ZNF367: variants seen among roughly 807,000 people sequenced by gnomAD.
ZNF367 encodes C2H2 zinc finger protein ZFF29.
ZNF367 carries 11 observed loss-of-function variants against 31.8 expected under a neutral mutation model. The ratio of observed to expected loss-of-function variants is 0.35; its 90% CI spans 0.22 to 0.57. ZNF367 has a LOEUF of 0.57. ZNF367 is among the 20% of genes least tolerant of loss of function. The pLI is 0.85. For missense variants in ZNF367, 353 were observed against 484.1 expected (o/e 0.73, Z 2.54); for synonymous variants, 199 against 202.4 (o/e 0.98, Z 0.14).
At chr9:96,409,837 T>C (rs1345469725) in intron 1 of ZNF367, among the ~76,000 whole-genome samples, 1 of 152,204 alleles carries the variant, frequency 6.6e-6, no homozygotes, top group Admixed American at 6.5e-5. Flanking sequence ...CCACAATAAT[T>C]TCATGGATTA....
At position 96,392,678 on chromosome 9, in the gene ZNF367, C is replaced by A. The variant is rs183191834; in HGVS notation, c.692-142G>T. On this transcript the variant is annotated intron_variant, in intron 3 of 4. Coordinates refer to ENST00000375256, the MANE Select transcript of ZNF367 (RefSeq NM_153695.4). The stretch of plus-strand genomic sequence containing the variant: ...TCTATAATTTGGAGGAGAAAACAAT[C>A]AAACCAGCACAGTCTCATCAGTGCT... 520 of 1,265,188 alleles carry A rather than the reference C, an allele frequency of 4.1e-4. 1 individual carries two copies. The African/African-American group carries it at 7.0e-3, about 17-fold the overall frequency. 78.4% of individuals were successfully genotyped at this position (1,265,188 alleles called of 1,614,324 possible).
chr9:96,411,270 G>A (rs13283860), intron 1 of ZNF367, among the ~76,000 whole-genome samples: 3,850 of 152,230 alleles, frequency 0.025, 72 homozygotes, highest in Middle Eastern at 0.054. Flanking sequence ...AAGAAAGGCT[G>A]GGCGCCGTGG....
intron 2 of ZNF367, among the ~76,000 whole-genome samples, chr9:96,397,314 A>C (rs1286472276): frequency 1.3e-5 from 2 of 150,126 alleles, no homozygotes; most frequent in African/African-American, 5.0e-5. Flanking sequence ...GGCCCTCTAT[A>C]CTTTTTTTTT....
intron 2 of ZNF367, among the ~76,000 whole-genome samples, chr9:96,395,442 A>G (rs1170528823): frequency 1.3e-5 from 2 of 152,152 alleles, no homozygotes; most frequent in Admixed American, 6.5e-5. Flanking sequence ...ACCTTGGACA[A>G]CTAAAAATTA....
intron 1 of ZNF367, among the ~76,000 whole-genome samples, 161 bp from the exon 2 acceptor site, chr9:96,398,475 G>A (rs762992128): frequency 3.9e-5 from 6 of 152,142 alleles, no homozygotes; most frequent in Non-Finnish European, 8.8e-5. Context: ...AGGATCACTT[G>A]AGGCCAGGAG....
At chr9:96,399,885 A>G (rs1831580310) in intron 1 of ZNF367, among the ~76,000 whole-genome samples, 1 of 152,194 alleles carries the variant, frequency 6.6e-6, no homozygotes, top group Admixed American at 6.6e-5. Context: ...TTTAGAGAAC[A>G]AACACAACAA....
At chr9:96,395,522 G>A (rs1006214545) in intron 2 of ZNF367, among the ~76,000 whole-genome samples, 1 of 152,170 alleles carries the variant, frequency 6.6e-6, no homozygotes, top group Admixed American at 6.5e-5. Flanking sequence ...AGCTACTGGG[G>A]TTAAGGGGCA....
chr9:96,389,846 C>T (rs1360058965), intron 4 of ZNF367, among the ~76,000 whole-genome samples: 1 of 151,484 alleles, frequency 6.6e-6, no homozygotes, highest in Non-Finnish European at 1.5e-5. Flanking sequence ...TCTCGTGCCT[C>T]AGCCTCCTGA....
rs1831848279 is a variant in ZNF367 at position 96,417,514 on chromosome 9, C to G, written c.420+99G>C. On this transcript the variant is annotated intron_variant, in intron 1 of 4. Transcript: ENST00000375256. The surrounding 1 kb of genome is among the most constrained non-coding windows in gnomAD (Gnocchi z 5.0). The stretch of plus-strand genomic sequence containing the variant: ...TGTCAGCCGCAGCCCCCGCCGTAGC[C>G]GGATCGACCTCGCGTTTTCAACTCC... 1 of 264,056 alleles carries G rather than the reference C, an allele frequency of 3.8e-6. No homozygotes were observed. Among genetic ancestry groups the G allele is most frequent in the Non-Finnish European group, 7.1e-6 (1 of 140,568 alleles). The allele number at this position is 264,056 out of a possible 1,614,324, so 16.4% of individuals were successfully genotyped here.
At chr9:96,410,572 A>AC (rs955281004) in intron 1 of ZNF367, among the ~76,000 whole-genome samples, 1 of 145,994 alleles carries the variant, frequency 6.8e-6, no homozygotes, top group Non-Finnish European at 1.5e-5. Context: ...AAAAAAAAAA[A>AC]AAAAAAACAA....
intron 4 of ZNF367, 85 bp downstream of exon 4, chr9:96,392,313 A>G (rs746829963): frequency 6.3e-7 from 1 of 1,587,784 alleles, no homozygotes; most frequent in Non-Finnish European, 8.6e-7. Flanking sequence ...CAGCTTATTT[A>G]AAATGAGAGG....
chr9:96,415,475 CTTCATTTT>C, intron 1 of ZNF367, among the ~76,000 whole-genome samples: 1 of 76,286 alleles, frequency 1.3e-5, no homozygotes, highest in African/African-American at 4.6e-5. Context: ...TCGTTAGTTT[CTTCATTTT>C]TTTTTTTTTT....
At chr9:96,405,031 C>G (rs1377353866) in intron 1 of ZNF367, among the ~76,000 whole-genome samples, 2 of 152,054 alleles carry the variant, frequency 1.3e-5, no homozygotes, top group Non-Finnish European at 2.9e-5. Flanking sequence ...TAAAAAGATG[C>G]TGAAAATCAG....
intron 1 of ZNF367, among the ~76,000 whole-genome samples, chr9:96,401,098 C>T (rs890596973): frequency 2.6e-5 from 4 of 152,030 alleles, no homozygotes; most frequent in South Asian, 2.1e-4. Flanking sequence ...TGGGGGTACA[C>T]GCCTGTGGTC....
rs1309290239 is a variant in ZNF367, at chr9:96,392,408, A to G, written c.820T>C (p.Trp274Arg). ...QAADNKAAAE[W>R]LARYWEMREQ... ...GGCAGCATTCCTGACCTCGCCAGCC[A>G]CTCGGCCGCGGCCTTGTTGTCGGCA... The change falls in exon 4 of 5, where the codon TGG (tryptophan) becomes CGG (arginine). Residue 274 changes from tryptophan to arginine, a missense_variant. By Grantham distance (101) the Trp-to-Arg change is moderately radical. Around this residue, in one of 5 missense-constraint regions of ZNF367, gnomAD observed 101 missense variants for 140.0 expected, o/e 0.72. Transcript: ENST00000375256. The G allele has an allele frequency of 1.2e-6, 2 of 1,614,054 alleles. No homozygotes were observed.
At chr9:96,407,361 G>A (rs1213752434) in intron 1 of ZNF367, 4 of 1,558,434 alleles carry the variant, frequency 2.6e-6, no homozygotes, top group Admixed American at 1.7e-5. Flanking sequence ...AAAAGAGAAA[G>A]AAGGAAAGTC....
chr9:96,403,793 G>A (rs1411872275), intron 1 of ZNF367, among the ~76,000 whole-genome samples: 1 of 152,164 alleles, frequency 6.6e-6, no homozygotes, highest in African/African-American at 2.4e-5. Flanking sequence ...ATGGTTCTGG[G>A]ATAACTGGAT....
chr9:96,389,024 C>T (rs914622242), intron 4 of ZNF367, among the ~76,000 whole-genome samples: 3 of 152,148 alleles, frequency 2.0e-5, no homozygotes. Context: ...TTAGGCTGGG[C>T]GCAGTGGCTC....
rs1587742439 is a variant in ZNF367 at position 96,394,682 on chromosome 9, C to T, written c.691+141G>A. On this transcript the variant is annotated intron_variant, in intron 3 of 4. Coordinates refer to ENST00000375256, the MANE Select transcript of ZNF367 (RefSeq NM_153695.4). ...TTTCTGAGAAATTCAGCATGTATCA[C>T]AATTATCAAAGAAGAAAGCTTATAA... 4.6e-6 allele frequency: 4 copies of T among 863,038 alleles called. No homozygotes were observed. The East Asian group carries it at 1.2e-4, about 26-fold the overall frequency. 53.5% of individuals were successfully genotyped at this position (863,038 alleles called of 1,614,324 possible). A position where few individuals can be genotyped will look rare whatever the true frequency, so the allele number is the denominator to read the frequency against.
Sources: gnomAD v4.1 joint callset for allele counts (sites outside exome capture counted in the v4.1 genomes callset) on GRCh38, gnomAD v4.1.1 for gene constraint, gnomAD v4.1.1 regional missense constraint, Gnocchi (gnomAD v3.1) non-coding constraint, MANE v1.5 for transcripts, NCBI Gene and HGNC (gene_info 2026-07-23, HGNC 2026-07-21) for gene names.